PTPRD: variants seen among roughly 807,000 people sequenced by gnomAD.
The protein encoded by PTPRD is receptor-type tyrosine-protein phosphatase delta.
Under a neutral mutation model 214.5 loss-of-function variants are expected in PTPRD, and 34 were observed. The observed-to-expected ratio is 0.16, with a 90% CI of 0.12 to 0.21. The LOEUF (loss-of-function observed/expected upper bound fraction) is 0.21, where lower values mean the gene tolerates loss of function less well. PTPRD is among the 10% of genes least tolerant of loss of function. The pLI is 1.00. For synonymous variants in PTPRD, 1,128 were observed against 845.7 expected (o/e 1.33, Z -5.79); for missense variants, 2,545 against 2,398.7 (o/e 1.06, Z -1.27).
At chr9:10,151,011 T>C (rs1429077943) in intron 3 of PTPRD, among the ~76,000 whole-genome samples, 1 of 151,498 alleles carries the variant, frequency 6.6e-6, no homozygotes, top group African/African-American at 2.4e-5. Flanking sequence ...ATAAAATAAG[T>C]ATAATATTTG....
intron 14 of PTPRD, among the ~76,000 whole-genome samples, chr9:8,532,439 T>C (rs1592954686): frequency 6.6e-6 from 1 of 152,046 alleles, no homozygotes; most frequent in Non-Finnish European, 1.5e-5. Context: ...AAATGTGTGG[T>C]ACCAGGAACT....
intron 8 of PTPRD, among the ~76,000 whole-genome samples, chr9:9,425,701 T>C (rs373165647): frequency 5.9e-5 from 9 of 151,864 alleles, no homozygotes; most frequent in Non-Finnish European, 7.4e-5. Context: ...GATGCAGATA[T>C]AGTTTTGAGC....
At chr9:8,544,405 C>T (rs1224400665) in intron 14 of PTPRD, among the ~76,000 whole-genome samples, 1 of 149,746 alleles carries the variant, frequency 6.7e-6, no homozygotes, top group Non-Finnish European at 1.5e-5. Context: ...AATGGTAAAA[C>T]AGCAGTTGCT....
chr9:9,245,423 G>A (rs1026254405), intron 9 of PTPRD, among the ~76,000 whole-genome samples: 19 of 152,202 alleles, frequency 1.2e-4, no homozygotes, highest in East Asian at 7.8e-4. Flanking sequence ...TATACACCAC[G>A]GAGTACTATG....
At chr9:9,734,312 T>C (rs755892286) in intron 7 of PTPRD, among the ~76,000 whole-genome samples, 6 of 152,276 alleles carry the variant, frequency 3.9e-5, no homozygotes, top group African/African-American at 1.4e-4. Flanking sequence ...TTCTAACCCA[T>C]GAAGTTGAAT....
intron 35 of PTPRD, among the ~76,000 whole-genome samples, chr9:8,411,176 T>C (rs928577718): frequency 6.6e-6 from 1 of 152,114 alleles, no homozygotes; most frequent in African/African-American, 2.4e-5. Context: ...TGTGTGACTG[T>C]AGAAAAGATT....
At chr9:9,262,438 C>T (rs1457686768) in intron 9 of PTPRD, among the ~76,000 whole-genome samples, 1 of 151,244 alleles carries the variant, frequency 6.6e-6, no homozygotes, top group East Asian at 2.0e-4. Flanking sequence ...ATTTTACTTA[C>T]ATTTAAAGTA....
chr9:10,493,564 G>A (rs951306564), intron 2 of PTPRD, among the ~76,000 whole-genome samples: 1 of 151,916 alleles, frequency 6.6e-6, no homozygotes, highest in East Asian at 1.9e-4. Context: ...AACTGAAACT[G>A]GACCCCTTCC....
At chr9:8,554,686 A>T (rs2083187193) in intron 14 of PTPRD, among the ~76,000 whole-genome samples, 2 of 152,198 alleles carry the variant, frequency 1.3e-5, no homozygotes, top group Admixed American at 6.5e-5. Flanking sequence ...CTGCTAAAAA[A>T]CAGAAAGCTA....
In PTPRD at chr9:8,688,501, C is replaced by T. The variant is rs138687879; in HGVS notation, c.64+45279G>A. ...AATGGCATGAACCCAGGAGGCAGAGCTTGCAGTGAGCCGAGATCGCACCAC... is the reference window on the plus strand; with the variant it reads ...AATGGCATGAACCCAGGAGGCAGAGTTTGCAGTGAGCCGAGATCGCACCAC... On this transcript the variant is annotated intron_variant, in intron 12 of 45. Transcript: ENST00000381196. Among the ~76,000 whole-genome samples, 332 of 150,090 alleles carry T rather than the reference C, an allele frequency of 2.2e-3. 2 individuals carry two copies. The highest frequency in any genetic ancestry group is 0.016 in the East Asian group (79 of 5,068).
rs192160863 is a variant in PTPRD, at chr9:10,546,463, G to C, written c.-600+65935C>G. ...GCTCATTGGTTGCAGCAAAGTCACA[G>C]AGAAATCTTTACTGCAAAGAAGTAG... On this transcript the variant is annotated intron_variant, in intron 2 of 45. Transcript: ENST00000381196. 1.8e-3 allele frequency among the ~76,000 whole-genome samples: 268 copies of C among 149,810 alleles called. 2 individuals are homozygous for C. The highest frequency in any genetic ancestry group is 6.4e-3 in the African/African-American group (259 of 40,640).
intron 5 of PTPRD, among the ~76,000 whole-genome samples, chr9:9,805,691 T>C (rs987625687): frequency 6.6e-6 from 1 of 152,194 alleles, no homozygotes; most frequent in Non-Finnish European, 1.5e-5. Context: ...CCTAACTTTT[T>C]CAGCTTAAAA....
chr9:8,596,465 G>C (rs2094481864), intron 14 of PTPRD, among the ~76,000 whole-genome samples: 1 of 151,874 alleles, frequency 6.6e-6, no homozygotes, highest in South Asian at 2.1e-4. Context: ...TTCTATTTAT[G>C]AACTTAGAAT....
chr9:9,634,055 T>A (rs1429099789), intron 7 of PTPRD, among the ~76,000 whole-genome samples: 1 of 152,148 alleles, frequency 6.6e-6, no homozygotes, highest in Non-Finnish European at 1.5e-5. Context: ...TTCTTTTTAT[T>A]TTTTACTTAA....
rs551696529 is a variant in PTPRD, at chr9:9,472,555, G to T, written c.-236-75073C>A. On this transcript the variant is annotated intron_variant, in intron 8 of 45. Transcript: ENST00000381196. ...ATCTCACATACTTGAGGGAACCAACGTAAGCTGTTCAGTTTGCAGCCAACC... is the reference window on the plus strand; with the variant it reads ...ATCTCACATACTTGAGGGAACCAACTTAAGCTGTTCAGTTTGCAGCCAACC... 5.9e-5 allele frequency among the ~76,000 whole-genome samples: 9 copies of T among 152,224 alleles called. No homozygotes were observed. The South Asian group carries it at 1.9e-3, about 32-fold the overall frequency.
chr9:8,409,240 T>TGG (rs1306884782), intron 35 of PTPRD, among the ~76,000 whole-genome samples: 4 of 152,268 alleles, frequency 2.6e-5, no homozygotes, highest in Admixed American at 2.6e-4. Context: ...ATGAGGAAAC[T>TGG]GAGGTATAGA....
At chr9:10,083,121 C>A (rs1472916257) in intron 3 of PTPRD, among the ~76,000 whole-genome samples, 2 of 151,866 alleles carry the variant, frequency 1.3e-5, no homozygotes, top group African/African-American at 4.8e-5. Flanking sequence ...ATATTCTATA[C>A]CCTATAAAAT....
intron 14 of PTPRD, among the ~76,000 whole-genome samples, chr9:8,624,173 T>C (rs2095925378): frequency 6.6e-6 from 1 of 151,854 alleles, no homozygotes; most frequent in Non-Finnish European, 1.5e-5. Flanking sequence ...CTGAAGAATA[T>C]GGAAATGTGT....
intron 39 of PTPRD, among the ~76,000 whole-genome samples, chr9:8,366,877 G>T (rs957373694): frequency 2.0e-5 from 3 of 152,192 alleles, no homozygotes; most frequent in African/African-American, 7.2e-5. Flanking sequence ...CTTAAAACTA[G>T]CCACTTTGAG....
Sources: allele counts gnomAD v4.1 joint callset (sites outside exome capture counted in the v4.1 genomes callset), GRCh38; gene constraint gnomAD v4.1.1; transcripts MANE v1.5; gene names NCBI Gene and HGNC (gene_info 2026-07-23, HGNC 2026-07-21).